PCMT1: variants seen among roughly 807,000 people sequenced by gnomAD.
PCMT1 encodes protein-L-isoaspartate (D-aspartate) O-methyltransferase.
Under a neutral mutation model 29.2 loss-of-function variants are expected in PCMT1, and 9 were observed. That is an observed-to-expected ratio of 0.31 (90% CI 0.19 to 0.54). The LOEUF (loss-of-function observed/expected upper bound fraction) is 0.54, where lower values mean the gene tolerates loss of function less well. Ranked by LOEUF, PCMT1 falls within the 20% of genes least tolerant of loss-of-function variation. The pLI, the probability that PCMT1 is intolerant of heterozygous loss-of-function variation, is 0.95. For synonymous variants in PCMT1, 98 were observed against 97.5 expected (o/e 1.00, Z -0.03); for missense variants, 184 against 282.2 (o/e 0.65, Z 2.49).
At chr6:149,795,463 A>G (rs1227506068) in intron 5 of PCMT1, 2 of 399,582 alleles carry the variant, frequency 5.0e-6, no homozygotes, top group Non-Finnish European at 9.6e-6. Context: ...TAGCACCAAT[A>G]GTGAGTAACA....
chr6:149,800,201 C>T (rs906157568), intron 6 of PCMT1, among the ~76,000 whole-genome samples: 1 of 152,124 alleles, frequency 6.6e-6, no homozygotes. Flanking sequence ...CATGGTGGCT[C>T]ATGCCTGTAA....
chr6:149,808,757 C>T (rs1776078967), intron 7 of PCMT1, among the ~76,000 whole-genome samples: 1 of 151,856 alleles, frequency 6.6e-6, no homozygotes, highest in African/African-American at 2.4e-5. Flanking sequence ...CTGCCTCAGC[C>T]TCCCGAATAG....
At chr6:149,768,923 G>A (rs1389236303) in intron 1 of PCMT1, among the ~76,000 whole-genome samples, 2 of 152,110 alleles carry the variant, frequency 1.3e-5, no homozygotes, top group Non-Finnish European at 2.9e-5. Flanking sequence ...CACCGCGCCA[G>A]CCTGGCTAAT....
intron 7 of PCMT1, among the ~76,000 whole-genome samples, chr6:149,803,197 T>C (rs368472089): frequency 6.6e-6 from 1 of 151,796 alleles, no homozygotes; most frequent in African/African-American, 2.4e-5. Context: ...ACATTCTACC[T>C]CTCAGCTTGG....
chr6:149,767,006 C>A (rs1182918313), intron 1 of PCMT1, among the ~76,000 whole-genome samples: 1 of 152,006 alleles, frequency 6.6e-6, no homozygotes, highest in Non-Finnish European at 1.5e-5. Context: ...GTCAGGAGTT[C>A]AAGACCAGCC....
intron 1 of PCMT1, among the ~76,000 whole-genome samples, chr6:149,764,972 C>T (rs1281869792): frequency 8.9e-5 from 13 of 146,676 alleles, no homozygotes; most frequent in South Asian, 2.3e-4. Context: ...ACCCGGGAGG[C>T]GGAGCTTGCA....
At chr6:149,751,111 G>A (rs1378781884) in intron 1 of PCMT1, among the ~76,000 whole-genome samples, 2 of 152,162 alleles carry the variant, frequency 1.3e-5, no homozygotes, top group African/African-American at 4.8e-5. Context: ...GAGTTCAGGA[G>A]TTCGAGACCA....
At chr6:149,794,688 G>C in intron 5 of PCMT1, 1 of 394,088 alleles carries the variant, frequency 2.5e-6, no homozygotes, top group South Asian at 1.9e-5. Flanking sequence ...GAGGGATCTG[G>C]CTGAGGAGGA....
intron 1 of PCMT1, among the ~76,000 whole-genome samples, chr6:149,766,228 T>C (rs1787079876): frequency 6.6e-6 from 1 of 152,194 alleles, no homozygotes; most frequent in African/African-American, 2.4e-5. Context: ...AACATATCCC[T>C]GGTTATCTCT....
chr6:149,802,104 G>T, intron 6 of PCMT1, 96 bp from the exon 7 acceptor site: 1 of 821,416 alleles, frequency 1.2e-6, no homozygotes, highest in South Asian at 2.2e-5. Context: ...ACTCCAGCCT[G>T]GGCGACAGAG....
intron 7 of PCMT1, 118 bp downstream of exon 7, chr6:149,802,534 A>G: frequency 2.3e-6 from 3 of 1,291,238 alleles, no homozygotes; most frequent in East Asian, 2.8e-5. Flanking sequence ...AAAATGTTGC[A>G]TGGTCTGCCC....
intron 1 of PCMT1, among the ~76,000 whole-genome samples, chr6:149,760,149 C>G (rs1263411533): frequency 6.6e-6 from 1 of 152,098 alleles, no homozygotes; most frequent in African/African-American, 2.4e-5. Flanking sequence ...CACTTTGCTG[C>G]TTAGGCTTCT....
chr6:149,786,648 G>A (rs566469537), intron 3 of PCMT1, among the ~76,000 whole-genome samples: 1,565 of 148,754 alleles, frequency 0.011, 20 homozygotes, highest in African/African-American at 0.037. Flanking sequence ...GGTCGCGGCC[G>A]GGCAGAGACG....
intron 3 of PCMT1, among the ~76,000 whole-genome samples, chr6:149,773,380 T>A (rs1004469432): frequency 6.6e-6 from 1 of 151,912 alleles, no homozygotes; most frequent in Non-Finnish European, 1.5e-5. Context: ...TGTTTTGTTT[T>A]GTTTTGTTTT....
intron 3 of PCMT1, among the ~76,000 whole-genome samples, chr6:149,774,663 T>C (rs1236401502): frequency 6.7e-6 from 1 of 148,940 alleles, no homozygotes; most frequent in Admixed American, 6.7e-5. Flanking sequence ...TCAGCCTCCC[T>C]AGTAGCTGGG....
chr6:149,808,673 G>T (rs932966175), intron 7 of PCMT1, among the ~76,000 whole-genome samples: 1 of 151,930 alleles, frequency 6.6e-6, no homozygotes, highest in Non-Finnish European at 1.5e-5. Context: ...GTCTCGCTCT[G>T]TCGCTCAGGC....
intron 3 of PCMT1, among the ~76,000 whole-genome samples, chr6:149,787,712 G>A (rs187004114): frequency 2.0e-4 from 31 of 152,066 alleles, no homozygotes; most frequent in African/African-American, 7.2e-4. Context: ...GAAATATTAT[G>A]CAGATAGTAC....
Position 149,759,174 on chromosome 6 carries a change from C to CT in PCMT1, c.55+9218_55+9219insT, listed in dbSNP as rs1212005584. Among the ~76,000 whole-genome samples the CT allele has an allele frequency of 3.3e-5, 5 of 152,250 alleles. No individual in the cohort carries two copies. The East Asian group carries it at 9.7e-4, about 30-fold the overall frequency. On this transcript the variant is annotated intron_variant, in intron 1 of 7. Coordinates refer to ENST00000464889, the MANE Select transcript of PCMT1 (RefSeq NM_001360452.2). ...ACAGGCGTGAGCCACCGCGCCCGGCCATGTTGTGAATTTAAAACTAATTCC... is the reference window on the plus strand; with the variant it reads ...ACAGGCGTGAGCCACCGCGCCCGGCCTATGTTGTGAATTTAAAACTAATTCC...
At position 149,796,490 on chromosome 6, in the gene PCMT1, T is replaced by C; in HGVS notation, c.494T>C (p.Val165Ala). 6.2e-7 allele frequency: 1 copy of C among 1,612,426 alleles called. No homozygotes were observed. The highest frequency in any genetic ancestry group is 8.5e-7 in the Non-Finnish European group (1 of 1,178,950). Residue 165 changes from valine to alanine, a missense_variant, in exon 6 of 8, where the codon GTA (valine) becomes GCA (alanine). Val to Ala is a moderately conservative substitution (Grantham distance 64, BLOSUM62 0). Transcript: ENST00000464889. ...AIHVGAAAPVVPQALIDQLKP... is the reference protein window; with the variant it reads ...AIHVGAAAPVAPQALIDQLKP... The stretch of plus-strand genomic sequence containing the variant: ...CATGTGGGAGCTGCAGCCCCTGTTG[T>C]ACCCCAGGCGGTGAGTCGGGATTTT...
Sources: gnomAD v4.1 joint callset for allele counts (sites outside exome capture counted in the v4.1 genomes callset) on GRCh38, gnomAD v4.1.1 for gene constraint, MANE v1.5 for transcripts, NCBI Gene and HGNC (gene_info 2026-07-23, HGNC 2026-07-21) for gene names.